PLEKHG6: variants seen among roughly 807,000 people sequenced by gnomAD.
PLEKHG6 encodes the protein pleckstrin homology domain-containing family G member 6.
A neutral mutation model predicts 97.5 loss-of-function variants in PLEKHG6; 91 were observed. That is an observed-to-expected ratio of 0.93 (90% CI 0.79 to 1.11). PLEKHG6 has a LOEUF of 1.11. Ranked by LOEUF, PLEKHG6 falls within the 50% of genes most tolerant of loss-of-function variation. PLEKHG6 has a pLI of 0.00. For synonymous variants in PLEKHG6, 466 were observed against 425.5 expected (o/e 1.10, Z -1.17); for missense variants, 1,044 against 1,031.0 (o/e 1.01, Z -0.17).
chr12:6,311,282 T>C (rs1413963505), intron 1 of PLEKHG6, among the ~76,000 whole-genome samples: 1 of 152,084 alleles, frequency 6.6e-6, no homozygotes, highest in Non-Finnish European at 1.5e-5. Flanking sequence ...AGCTCCATGG[T>C]GGTATTCCCA....
chr12:6,326,511 G>A lies in PLEKHG6; in HGVS notation c.1608G>A (p.Glu536=). Reference sequence around the variant, plus strand: ...CCCTCTATCGGGACCAGGACAGGGAGTCCCCCAGCACCAGGCCCTCCACGC... The same window carrying A: ...CCCTCTATCGGGACCAGGACAGGGAATCCCCCAGCACCAGGCCCTCCACGC... ...LLTLYRDQDR[E]SPSTRPSTPS... is the part of the protein sequence containing the mutation. The change falls in exon 14 of 16, where the codon GAG becomes GAA. Residue 536 remains glutamate, a synonymous_variant. Transcript: ENST00000684764. The A allele has an allele frequency of 6.2e-7, 1 of 1,602,266 alleles. No individual in the cohort carries two copies. Among genetic ancestry groups the A allele is most frequent in the Non-Finnish European group, 8.5e-7 (1 of 1,175,494 alleles).
chr12:6,316,021 G>T lies in PLEKHG6; in HGVS notation c.606+102G>T, dbSNP rs540932223. The T allele has an allele frequency of 1.4e-5, 16 of 1,156,876 alleles. No homozygotes were observed. In the Admixed American group the frequency reaches 3.7e-4, roughly 26 times the overall value. The allele number at this position is 1,156,876 out of a possible 1,614,324, so 71.7% of individuals were successfully genotyped here. A position where few individuals can be genotyped will look rare whatever the true frequency, so the allele number is the denominator to read the frequency against. On this transcript the variant is annotated intron_variant, in intron 6 of 15. Transcript: ENST00000684764. This position sits in a 1 kb window ranked among gnomAD's most constrained non-coding sequence, Gnocchi z 4.1. ...TCCCTGTCTGAATTCCCACTGCCCC[G>T]TTTTTTGGGATGCCTTGCCCTCCCT...
In PLEKHG6 at chr12:6,315,533, C is replaced by A. The variant is rs1395887413; in HGVS notation, c.460-21C>A. On this transcript the variant is annotated intron_variant, in intron 4 of 15. Transcript: ENST00000684764. The surrounding 1 kb of genome is among the most constrained non-coding windows in gnomAD (Gnocchi z 4.5). Reference sequence around the variant, plus strand: ...TTCTAATTATCATTCCCCAACTGAACCAGCATTCTCCCCACCCCAGGAGAT... The same window carrying A: ...TTCTAATTATCATTCCCCAACTGAAACAGCATTCTCCCCACCCCAGGAGAT... The A allele has an allele frequency of 1.0e-5, 15 of 1,455,468 alleles. No individual in the cohort carries two copies. Among genetic ancestry groups the A allele is most frequent in the Non-Finnish European group, 1.3e-5 (14 of 1,069,588 alleles). The allele number at this position is 1,455,468 out of a possible 1,614,324, so 90.2% of individuals were successfully genotyped here. A position where few individuals can be genotyped will look rare whatever the true frequency, so the allele number is the denominator to read the frequency against.
At chr12:6,317,756 T>C (rs1365270492) in intron 9 of PLEKHG6, 60 bp downstream of exon 9, 2 of 1,589,908 alleles carry the variant, frequency 1.3e-6, no homozygotes, top group African/African-American at 2.7e-5. Flanking sequence ...GGGGTCTCTT[T>C]CTTAGTGTGT....
intron 11 of PLEKHG6, 65 bp from the exon 12 acceptor site, chr12:6,318,680 C>T (rs2136754967): frequency 6.4e-7 from 1 of 1,566,210 alleles, no homozygotes; most frequent in East Asian, 2.2e-5. Flanking sequence ...TGAGCCTCCT[C>T]CCGGACCAGC....
intron 13 of PLEKHG6, among the ~76,000 whole-genome samples, chr12:6,325,219 CTT>C (rs922814671): frequency 2.0e-5 from 3 of 151,546 alleles, no homozygotes; most frequent in Non-Finnish European, 4.4e-5. Flanking sequence ...TTCTGTAACT[CTT>C]TACCCTTCAA....
intron 15 of PLEKHG6, 81 bp from the exon 16 acceptor site, chr12:6,328,055 A>T (rs1346135228): frequency 6.3e-7 from 1 of 1,583,494 alleles, no homozygotes; most frequent in Non-Finnish European, 8.7e-7. Context: ...CTGAGGCAGG[A>T]AGGGCTCTCC....
intron 13 of PLEKHG6, chr12:6,319,503 C>A: frequency 1.4e-6 from 2 of 1,479,626 alleles, no homozygotes; most frequent in Non-Finnish European, 1.8e-6. Context: ...AACATGGGAG[C>A]GCAGAGGGGA....
chr12:6,312,324 G>A lies in PLEKHG6; in HGVS notation c.98G>A (p.Ser33Asn), dbSNP rs1267400319. The change falls in exon 2 of 16, where the codon AGC becomes AAC. Residue 33 changes from serine to asparagine, a missense_variant. Transcript: ENST00000684764. ...YGGRHRASAQ[S>N]TAGRLYPRGY... ...GGCCGGCATCGAGCCTCTGCTCAGA[G>A]CACTGCTGGCAGACTCTATCCCCGA... 1 of 1,582,382 alleles carries A rather than the reference G, an allele frequency of 6.3e-7. No individual in the cohort carries two copies. The highest frequency in any genetic ancestry group is 8.6e-7 in the Non-Finnish European group (1 of 1,167,690).
rs138384722 is a variant in PLEKHG6, at chr12:6,327,353, C to T, written c.1770C>T (p.Tyr590=). Residue 590 remains tyrosine, a synonymous_variant, in exon 15 of 16, where the codon TAC becomes TAT. Coordinates refer to ENST00000684764, the MANE Select transcript of PLEKHG6 (RefSeq NM_001384598.1). ...LVPDDTSDSG[Y]GTLIPGTPTG... ...CAGATGATACCTCAGACTCTGGCTACGGCACTTTGATCCCAGGCACCCCCA... is the reference window on the plus strand; with the variant it reads ...CAGATGATACCTCAGACTCTGGCTATGGCACTTTGATCCCAGGCACCCCCA... 1.5e-5 allele frequency: 25 copies of T among 1,613,950 alleles called. No homozygotes were observed. The highest frequency in any genetic ancestry group is 9.3e-5 in the African/African-American group (7 of 74,934).
chr12:6,328,113 A>G (rs372583476), intron 15 of PLEKHG6, 23 bp from the exon 16 acceptor site: 2 of 1,613,852 alleles, frequency 1.2e-6, no homozygotes, highest in African/African-American at 1.3e-5. Context: ...AATGTCGCCT[A>G]ACACCCCCTC....
chr12:6,316,001 G>C lies in PLEKHG6; in HGVS notation c.606+82G>C. On this transcript the variant is annotated intron_variant, in intron 6 of 15. Transcript: ENST00000684764. This position sits in a 1 kb window ranked among gnomAD's most constrained non-coding sequence, Gnocchi z 4.1. ...GAGGGTGGGCCCTCCAGCCATCCCT[G>C]TCTGAATTCCCACTGCCCCGTTTTT... 1.5e-6 allele frequency: 2 copies of C among 1,300,466 alleles called. No homozygotes were observed. The highest frequency in any genetic ancestry group is 1.5e-5 in the African/African-American group (1 of 67,612). The allele number at this position is 1,300,466 out of a possible 1,614,324, so 80.6% of individuals were successfully genotyped here.
Position 6,313,776 on chromosome 12 carries a change from A to T in PLEKHG6, c.286A>T (p.Lys96Ter). Residue 96 changes from lysine to a stop codon, truncating the protein, a stop_gained, in exon 3 of 16, where the codon AAA (lysine) becomes TAA (stop). Transcript: ENST00000684764. LOFTEE classifies it high-confidence loss of function. Reference protein sequence around the residue: ...HVGAGLLHSPKLKELTKAHEL... With the variant: ...HVGAGLLHSP Reference sequence around the variant, plus strand: ...GGGGGCTGGCCTGCTTCACTCCCCCAAACTCAAGGTAAGGGGGTCCCTCTC... The same window carrying T: ...GGGGGCTGGCCTGCTTCACTCCCCCTAACTCAAGGTAAGGGGGTCCCTCTC... 1 of 1,582,010 alleles carries T rather than the reference A, an allele frequency of 6.3e-7. No homozygotes were observed. The highest frequency in any genetic ancestry group is 1.8e-5 in the Admixed American group (1 of 54,566).
intron 11 of PLEKHG6, 45 bp from the exon 12 acceptor site, chr12:6,318,700 G>A (rs757941033): frequency 8.1e-6 from 13 of 1,600,636 alleles, no homozygotes; most frequent in Admixed American, 1.7e-5. Flanking sequence ...CCCTGCCCCT[G>A]GCTCCAGCTG....
At position 6,315,708 on chromosome 12, in the gene PLEKHG6, C is replaced by G. The variant is rs1260056940; in HGVS notation, c.555+59C>G. 1 of 1,286,628 alleles carries G rather than the reference C, an allele frequency of 7.8e-7. No homozygotes were observed. Among genetic ancestry groups the G allele is most frequent in the African/African-American group, 1.5e-5 (1 of 67,994 alleles). 79.7% of individuals were successfully genotyped at this position (1,286,628 alleles called of 1,614,324 possible). On this transcript the variant is annotated intron_variant, in intron 5 of 15. Coordinates refer to ENST00000684764, the MANE Select transcript of PLEKHG6 (RefSeq NM_001384598.1). This position sits in a 1 kb window ranked among gnomAD's most constrained non-coding sequence, Gnocchi z 4.5. The stretch of plus-strand genomic sequence containing the variant: ...CTTCCCTGCATGAGCCCCCATCCTC[C>G]CAGACTGGAAGGCAGGTCACTGGGG...
Position 6,312,963 on chromosome 12 carries a change from C to T in PLEKHG6, c.138+599C>T, listed in dbSNP as rs1026993531. 4.2e-6 allele frequency: 6 copies of T among 1,427,164 alleles called. No homozygotes were observed. The African/African-American group carries it at 7.1e-5, about 17-fold the overall frequency. The allele number at this position is 1,427,164 out of a possible 1,614,324, so 88.4% of individuals were successfully genotyped here. On this transcript the variant is annotated intron_variant, in intron 2 of 15. Transcript: ENST00000684764. ...GGCTGGGACATCCCCTGCCTCAATG[C>T]ACGATAATTTTGCCTTTGGAGATGG...
At position 6,312,408 on chromosome 12, in the gene PLEKHG6, G is replaced by A. The variant is rs183831604; in HGVS notation, c.138+44G>A. 7.1e-6 allele frequency: 11 copies of A among 1,548,078 alleles called. No homozygotes were observed. In the Admixed American group the frequency reaches 1.1e-4, roughly 15 times the overall value. On this transcript the variant is annotated intron_variant, in intron 2 of 15. Coordinates refer to ENST00000684764, the MANE Select transcript of PLEKHG6 (RefSeq NM_001384598.1). The stretch of plus-strand genomic sequence containing the variant: ...CCAAAAGTGACCTGGTGGGGCAGGA[G>A]GGAAGACACCTAGGCTGTGGAGTCT...
rs1230935242 is a variant in PLEKHG6 at position 6,313,627 on chromosome 12, A to G, written c.139-2A>G. The G allele has an allele frequency of 2.5e-6, 4 of 1,613,974 alleles. No individual in the cohort carries two copies. Among genetic ancestry groups the G allele is most frequent in the East Asian group, 2.2e-5 (1 of 44,888 alleles). On this transcript the variant is annotated splice_acceptor_variant, in intron 2 of 15. Transcript: ENST00000684764. LOFTEE classifies it high-confidence loss of function. ...CCAGAACTTCCCCTGCTCCTCTCCC[A>G]GGATCCCAGTCGCCGACGCCTCCAG... is the stretch of plus-strand genomic sequence containing the variant.
At chr12:6,312,483 C>G (rs1947307759) in intron 2 of PLEKHG6, 119 bp downstream of exon 2, 3 of 1,213,496 alleles carry the variant, frequency 2.5e-6, no homozygotes, top group Admixed American at 3.1e-5. Context: ...CCTTACCCTA[C>G]TCTTCTTTCC....
Sources: gnomAD v4.1 joint callset for allele counts (sites outside exome capture counted in the v4.1 genomes callset) on GRCh38, gnomAD v4.1.1 for gene constraint, Gnocchi (gnomAD v3.1) non-coding constraint, MANE v1.5 for transcripts, NCBI Gene and HGNC (gene_info 2026-07-23, HGNC 2026-07-21) for gene names.